Variants in CAPZA2 observed in about 807,000 individuals in gnomAD.
CAPZA2 encodes F-actin-capping protein subunit alpha-2.
Under a neutral mutation model 44.0 loss-of-function variants are expected in CAPZA2, and 13 were observed. The ratio of observed to expected loss-of-function variants is 0.30; its 90% CI spans 0.19 to 0.47. The LOEUF (loss-of-function observed/expected upper bound fraction) is 0.47. Among genes scored for constraint, CAPZA2 ranks in the 20% least tolerant of loss-of-function variants. CAPZA2 has a pLI of 1.00. For synonymous variants in CAPZA2, 94 were observed against 108.2 expected, an observed-to-expected ratio of 0.87 and a Z score of 0.81; for missense variants, 244 against 338.6, an observed-to-expected ratio of 0.72 and a Z score of 2.19.
At chr7:116,886,660 A>G (rs1298565209) in intron 1 of CAPZA2, among the ~76,000 whole-genome samples, 2 of 152,182 alleles carry the variant, frequency 1.3e-5, no homozygotes, top group Non-Finnish European at 2.9e-5. Flanking sequence ...TCACCTGGAG[A>G]TGTTGTTTAA....
At chr7:116,889,412 C>A (rs1796802563) in intron 2 of CAPZA2, among the ~76,000 whole-genome samples, 1 of 151,968 alleles carries the variant, frequency 6.6e-6, no homozygotes, top group African/African-American at 2.4e-5. Flanking sequence ...GAAGTTTAAT[C>A]ATTTTTTTTT....
intron 1 of CAPZA2, among the ~76,000 whole-genome samples, chr7:116,864,084 G>T (rs1451146677): frequency 6.6e-6 from 1 of 152,170 alleles, no homozygotes; most frequent in Non-Finnish European, 1.5e-5. Flanking sequence ...AGTATTCAAT[G>T]TATAATCTTG....
intron 1 of CAPZA2, among the ~76,000 whole-genome samples, chr7:116,866,127 G>T (rs933003969): frequency 6.6e-6 from 1 of 151,932 alleles, no homozygotes; most frequent in Non-Finnish European, 1.5e-5. Flanking sequence ...AATAAATTTA[G>T]CTGAAGAACA....
At chr7:116,899,143 G>A (rs1413788494) in intron 4 of CAPZA2, among the ~76,000 whole-genome samples, 1 of 151,962 alleles carries the variant, frequency 6.6e-6, no homozygotes, top group Non-Finnish European at 1.5e-5. Flanking sequence ...TAGAATATAT[G>A]TGTAGTAGAT....
intron 1 of CAPZA2, among the ~76,000 whole-genome samples, chr7:116,880,658 A>C (rs1187156628): frequency 2.2e-5 from 3 of 134,902 alleles, no homozygotes; most frequent in African/African-American, 8.3e-5. Context: ...CGGCCTCCCA[A>C]AGTGCTGGGA....
chr7:116,912,097 A>G lies in CAPZA2; in HGVS notation c.614A>G (p.Gln205Arg). ...QVHYYEDGNV[Q>R]LVSHKDIQDS... ...CATTATTATGAAGATGGTAATGTTC[A>G]GCTAGTGAGTCATAAAGATATACAA... is the stretch of plus-strand genomic sequence containing the variant. The change falls in exon 8 of 10, where the codon CAG becomes CGG. Residue 205 changes from glutamine to arginine, a missense_variant. Transcript: ENST00000361183. 1 of 1,613,046 alleles carries G rather than the reference A, an allele frequency of 6.2e-7. No homozygotes were observed. The highest frequency in any genetic ancestry group is 8.5e-7 in the Non-Finnish European group (1 of 1,179,334).
At chr7:116,869,760 A>T (rs957578995) in intron 1 of CAPZA2, among the ~76,000 whole-genome samples, 2 of 152,276 alleles carry the variant, frequency 1.3e-5, no homozygotes, top group Non-Finnish European at 2.9e-5. Context: ...AGCCCTGCTC[A>T]GGGAAGTAAT....
intron 4 of CAPZA2, among the ~76,000 whole-genome samples, chr7:116,901,988 T>C (rs1431234073): frequency 1.3e-5 from 2 of 151,616 alleles, no homozygotes; most frequent in African/African-American, 2.4e-5. Flanking sequence ...CCTTACCAGA[T>C]AGTACAAGTT....
intron 4 of CAPZA2, among the ~76,000 whole-genome samples, chr7:116,903,493 A>T (rs1797022591): frequency 6.6e-6 from 1 of 152,198 alleles, no homozygotes; most frequent in Non-Finnish European, 1.5e-5. Context: ...AGAGGGATGG[A>T]TAAGTCCCGA....
chr7:116,889,812 G>A (rs1796807414), intron 2 of CAPZA2, among the ~76,000 whole-genome samples: 2 of 152,152 alleles, frequency 1.3e-5, no homozygotes, highest in Admixed American at 1.3e-4. Flanking sequence ...AAAAAATCCA[G>A]AAATTAAAAT....
intron 1 of CAPZA2, among the ~76,000 whole-genome samples, chr7:116,864,365 C>T (rs138225828): frequency 5.9e-5 from 9 of 152,152 alleles, no homozygotes; most frequent in African/African-American, 2.2e-4. Context: ...TTATCTGGCA[C>T]TCTCAGGGCA....
At chr7:116,890,038 G>A (rs1263010911) in intron 2 of CAPZA2, among the ~76,000 whole-genome samples, 2 of 152,096 alleles carry the variant, frequency 1.3e-5, no homozygotes, top group Admixed American at 1.3e-4. Flanking sequence ...AATTGATAAT[G>A]GTGAGACTGC....
intron 4 of CAPZA2, among the ~76,000 whole-genome samples, chr7:116,903,477 T>C (rs1420932667): frequency 6.6e-6 from 1 of 152,122 alleles, no homozygotes; most frequent in African/African-American, 2.4e-5. Flanking sequence ...TAGCATGATA[T>C]ATATCAGAGG....
intron 1 of CAPZA2, among the ~76,000 whole-genome samples, chr7:116,882,074 T>A (rs1433960675): frequency 6.6e-6 from 1 of 152,214 alleles, no homozygotes; most frequent in Non-Finnish European, 1.5e-5. Context: ...CAGTTTTTCT[T>A]ATTACTGTTG....
chr7:116,867,582 C>CTTTT (rs67944722), intron 1 of CAPZA2, among the ~76,000 whole-genome samples: 2 of 114,826 alleles, frequency 1.7e-5, no homozygotes, highest in African/African-American at 3.1e-5. Flanking sequence ...ATTTCTCTCT[C>CTTTT]TTTTTTTTTT....
rs1236912400 is a variant in CAPZA2 at position 116,891,825 on chromosome 7, T to C, written c.104-1169T>C. Among the ~76,000 whole-genome samples the C allele has an allele frequency of 2.6e-5, 4 of 152,208 alleles. No homozygotes were observed. The East Asian group carries it at 7.7e-4, about 29-fold the overall frequency. ...CACACCCGGCCAGGATATTGTTTTT[T>C]AAATAAGGACCTGTTGCTGAAAAGA... On this transcript the variant is annotated intron_variant, in intron 2 of 9. Coordinates refer to ENST00000361183, the MANE Select transcript of CAPZA2 (RefSeq NM_006136.3).
chr7:116,898,223 C>A (rs1032053608), intron 3 of CAPZA2, among the ~76,000 whole-genome samples: 1 of 151,962 alleles, frequency 6.6e-6, no homozygotes, highest in African/African-American at 2.4e-5. Context: ...GAAATTACCC[C>A]AATTCTCTTC....
At chr7:116,899,447 G>A (rs2115947549) in intron 4 of CAPZA2, among the ~76,000 whole-genome samples, 1 of 151,984 alleles carries the variant, frequency 6.6e-6, no homozygotes, top group Admixed American at 6.6e-5. Flanking sequence ...AAAGTTCTTA[G>A]TGGCTAATCA....
intron 1 of CAPZA2, among the ~76,000 whole-genome samples, chr7:116,870,234 C>A (rs1283219492): frequency 6.6e-6 from 1 of 152,062 alleles, no homozygotes; most frequent in African/African-American, 2.4e-5. Context: ...AATATACATA[C>A]TAAATTGGGT....
Sources: gnomAD v4.1 joint callset for allele counts (sites outside exome capture counted in the v4.1 genomes callset) on GRCh38, gnomAD v4.1.1 for gene constraint, MANE v1.5 for transcripts, NCBI Gene and HGNC (gene_info 2026-07-23, HGNC 2026-07-21) for gene names.